NTRK1: variants seen among roughly 807,000 people sequenced by gnomAD.
NTRK1 encodes the protein neurotrophic receptor tyrosine kinase 1.
A neutral mutation model predicts 86.8 loss-of-function variants in NTRK1; 62 were observed. That is an observed-to-expected ratio of 0.71 (90% CI 0.58 to 0.88). The LOEUF (loss-of-function observed/expected upper bound fraction) is 0.88. NTRK1 is among the 40% of genes least tolerant of loss of function. The pLI, the probability that NTRK1 is intolerant of heterozygous loss-of-function variation, is 0.00. For missense variants in NTRK1, 967 were observed against 1,078.4 expected (o/e 0.90, Z 1.45); for synonymous variants, 469 against 456.6 (o/e 1.03, Z -0.35).
chr1:156,876,351 G>A (rs1647907036), intron 13 of NTRK1, 49 bp from the exon 14 acceptor site: 1 of 1,612,428 alleles, frequency 6.2e-7, no homozygotes, highest in South Asian at 1.1e-5. Context: ...GTGAACAGCA[G>A]TGAGGGCTCG....
intron 1 of NTRK1, among the ~76,000 whole-genome samples, chr1:156,839,620 G>A (rs1654702488): frequency 6.6e-6 from 1 of 152,196 alleles, no homozygotes; most frequent in South Asian, 2.1e-4. Flanking sequence ...TGTGTTCCCT[G>A]GCTTGGGTGG....
Position 156,881,484 on chromosome 1 carries a change from G to C in NTRK1, c.2233G>C (p.Glu745Gln). The C allele has an allele frequency of 1.3e-6, 2 of 1,583,648 alleles. No individual in the cohort carries two copies. The highest frequency in any genetic ancestry group is 2.3e-5 in the East Asian group (1 of 43,054). ...EAIDCITQGR[E>Q]LERPRACPPE... Reference sequence around the variant, plus strand: ...AATCGACTGCATCACGCAGGGACGTGAGTTGGAGCGGCCACGTGCCTGCCC... The same window carrying C: ...AATCGACTGCATCACGCAGGGACGTCAGTTGGAGCGGCCACGTGCCTGCCC... Residue 745 changes from glutamate to glutamine, a missense_variant, in exon 17 of 17, where the codon GAG (glutamate) becomes CAG (glutamine). Transcript: ENST00000524377.
chr1:156,861,199 G>T, intron 1 of NTRK1, 53 bp downstream of exon 1: 1 of 1,520,304 alleles, frequency 6.6e-7, no homozygotes, highest in Non-Finnish European at 8.8e-7. Context: ...GCATTGCAGT[G>T]CCCCGAGGGC....
intron 2 of NTRK1, chr1:156,842,983 A>G: frequency 6.3e-7 from 1 of 1,576,684 alleles, no homozygotes. Context: ...GACCCTGACA[A>G]TGCCCTTGGC....
intron 11 of NTRK1, 121 bp from the exon 12 acceptor site, chr1:156,875,399 C>A (rs2102914485): frequency 1.5e-6 from 2 of 1,359,832 alleles, no homozygotes; most frequent in East Asian, 4.6e-5. Context: ...GTCTCGCTCC[C>A]TAGCTTCTCA....
In NTRK1 at chr1:156,855,019, C is replaced by T. The variant is rs113943704; in HGVS notation, c.51-9335C>T. On this transcript the variant is annotated intron_variant, in intron 2 of 16. Transcript: ENST00000392302. ...TGCTTTTCCTTATATGTAACAGGAG[C>T]TTTACTACTATAACAAGCCAGCAAA... Among the ~76,000 whole-genome samples, 1,283 of 152,222 alleles carry T rather than the reference C, an allele frequency of 8.4e-3. 12 individuals are homozygous for T. Among genetic ancestry groups the T allele is most frequent in the African/African-American group, 0.029 (1,204 of 41,514 alleles).
rs1177073209 is a variant in NTRK1 at position 156,841,580 on chromosome 1, C to A, written c.-63-501C>A. The A allele has an allele frequency of 1.9e-6, 3 of 1,612,102 alleles. No individual in the cohort carries two copies. The African/African-American group carries it at 4.0e-5, about 22-fold the overall frequency. The stretch of plus-strand genomic sequence containing the variant: ...CCAGCACCCTTCGTGCTACTCAGTG[C>A]ATTCCAAGGGATGGGGGTGTTCCAG... On this transcript the variant is annotated intron_variant, in intron 1 of 16. Coordinates refer to the NTRK1 transcript ENST00000392302.
At chr1:156,835,100 C>G (rs907073586) in intron 1 of NTRK1, among the ~76,000 whole-genome samples, 2 of 152,098 alleles carry the variant, frequency 1.3e-5, no homozygotes, top group African/African-American at 2.4e-5. Context: ...TTTTTATAGC[C>G]CCAAAATCCT....
chr1:156,841,619 T>A (rs1654787340), intron 1 of NTRK1: 4 of 1,609,728 alleles, frequency 2.5e-6, no homozygotes, highest in East Asian at 2.2e-5. Context: ...CCTCCCCAGA[T>A]CCCGCCTCCA....
intron 2 of NTRK1, among the ~76,000 whole-genome samples, chr1:156,855,498 C>A (rs1655378075): frequency 6.6e-6 from 1 of 152,196 alleles, no homozygotes; most frequent in African/African-American, 2.4e-5. Flanking sequence ...AACCACCACG[C>A]CCGGCCTGAA....
At chr1:156,830,990 G>GAA (rs1244308073) in intron 1 of NTRK1, among the ~76,000 whole-genome samples, 1 of 152,214 alleles carries the variant, frequency 6.6e-6, no homozygotes, top group African/African-American at 2.4e-5. Context: ...GACTAGGGCT[G>GAA]AGGGTCAGAC....
At chr1:156,864,261 C>T in intron 1 of NTRK1, 93 bp from the exon 2 acceptor site, 1 of 1,184,316 alleles carries the variant, frequency 8.4e-7, no homozygotes, top group Non-Finnish European at 1.3e-6. Flanking sequence ...GTGCATGTGG[C>T]ATGTGCATGT....
intron 2 of NTRK1, chr1:156,851,285 C>T: frequency 6.2e-7 from 1 of 1,614,134 alleles, no homozygotes; most frequent in Non-Finnish European, 8.5e-7. Context: ...AGGCCTAACC[C>T]TTACCCATCC....
rs763040527 is a variant in NTRK1, at chr1:156,844,688, G to A, written c.50+2495G>A. ...TAGGCACAAAACGGGGCTGGGACGG[G>A]GGTCCCACGGGCACCTACCTCTCCC... On this transcript the variant is annotated intron_variant, in intron 2 of 16. Coordinates refer to the NTRK1 transcript ENST00000392302. 2.7e-5 allele frequency: 44 copies of A among 1,614,062 alleles called. No individual in the cohort carries two copies. The South Asian group carries it at 3.7e-4, about 14-fold the overall frequency.
chr1:156,846,001 C>T (rs1654993853), intron 2 of NTRK1: 2 of 1,614,132 alleles, frequency 1.2e-6, no homozygotes, highest in Non-Finnish European at 1.7e-6. Flanking sequence ...CTGCCAGCCG[C>T]TGCCACAGCA....
chr1:156,822,079 G>C (rs893014477), intron 1 of NTRK1, among the ~76,000 whole-genome samples: 1 of 152,200 alleles, frequency 6.6e-6, no homozygotes, highest in African/African-American at 2.4e-5. Context: ...GGCAGTGGTG[G>C]TTTGGGAGGC....
chr1:156,824,619 G>T (rs1000315789), intron 1 of NTRK1, among the ~76,000 whole-genome samples: 2 of 152,180 alleles, frequency 1.3e-5, no homozygotes, highest in Admixed American at 6.5e-5. Flanking sequence ...GTGCCCATTG[G>T]TCAGGCACTT....
intron 7 of NTRK1, among the ~76,000 whole-genome samples, chr1:156,873,397 T>C (rs528502000): frequency 6.6e-6 from 1 of 152,188 alleles, no homozygotes; most frequent in Non-Finnish European, 1.5e-5. Context: ...CCACCACTTA[T>C]GTTCTTTAAG....
Position 156,854,325 on chromosome 1 carries a change from A to G in NTRK1, c.51-10029A>G. 1 of 1,585,988 alleles carries G rather than the reference A, an allele frequency of 6.3e-7. No individual in the cohort carries two copies. The highest frequency in any genetic ancestry group is 1.2e-5 in the South Asian group (1 of 86,238). On this transcript the variant is annotated intron_variant, in intron 2 of 16. Transcript: ENST00000392302. The surrounding 1 kb of genome is among the most constrained non-coding windows in gnomAD (Gnocchi z 4.2). ...CACACTGTGGGCATACACGGCACGC[A>G]GCATTGAGTACAGCCCAGGCCAAAT...
Sources: gnomAD v4.1 joint callset for allele counts (sites outside exome capture counted in the v4.1 genomes callset) on GRCh38, gnomAD v4.1.1 for gene constraint, Gnocchi (gnomAD v3.1) non-coding constraint, MANE v1.5 for transcripts, NCBI Gene and HGNC (gene_info 2026-07-23, HGNC 2026-07-21) for gene names.